The following PPP4R3A variants were observed in gnomAD, a reference collection of about 807,000 sequenced individuals.
PPP4R3A encodes protein phosphatase 4 regulatory subunit 3A.
In PPP4R3A, 15 loss-of-function variants were observed where a neutral mutation model predicts 91.7. The observed-to-expected ratio is 0.16, with a 90% CI of 0.11 to 0.25. PPP4R3A has a LOEUF of 0.25. PPP4R3A is among the 10% of genes least tolerant of loss of function. PPP4R3A has a pLI of 1.00. For missense variants in PPP4R3A, 623 were observed against 998.4 expected (o/e 0.62, Z 5.07); for synonymous variants, 377 against 348.7 (o/e 1.08, Z -0.91).
intron 1 of PPP4R3A, among the ~76,000 whole-genome samples, chr14:91,499,632 C>T (rs1352756351): frequency 6.6e-6 from 1 of 151,800 alleles, no homozygotes; most frequent in Non-Finnish European, 1.5e-5. Flanking sequence ...ACCAGCCTGG[C>T]CAACATGGTG....
At chr14:91,463,550 C>T (rs1888291747) in intron 11 of PPP4R3A, among the ~76,000 whole-genome samples, 1 of 152,018 alleles carries the variant, frequency 6.6e-6, no homozygotes. Flanking sequence ...CCTCCCACCT[C>T]AGCCTCCTGA....
intron 2 of PPP4R3A, among the ~76,000 whole-genome samples, chr14:91,487,816 A>C (rs1356545006): frequency 6.6e-6 from 1 of 152,162 alleles, no homozygotes; most frequent in African/African-American, 2.4e-5. Context: ...CCCTGGGCTC[A>C]GGTGGTCCTT....
At chr14:91,484,623 A>G (rs1170098778) in intron 3 of PPP4R3A, among the ~76,000 whole-genome samples, 1 of 152,198 alleles carries the variant, frequency 6.6e-6, no homozygotes, top group South Asian at 2.1e-4. Flanking sequence ...GGATTTTAAA[A>G]AACAATTATT....
chr14:91,463,187 T>TCC (rs754541194), intron 11 of PPP4R3A, among the ~76,000 whole-genome samples: 8 of 152,052 alleles, frequency 5.3e-5, no homozygotes, highest in Non-Finnish European at 1.2e-4. Context: ...TGGCTCAGCC[T>TCC]CCAGAGTAGC....
intron 4 of PPP4R3A, among the ~76,000 whole-genome samples, chr14:91,479,460 T>G (rs1889417727): frequency 6.6e-6 from 1 of 151,812 alleles, no homozygotes; most frequent in Non-Finnish European, 1.5e-5. Flanking sequence ...CTCAAACTCC[T>G]GGGCTCAAGC....
At chr14:91,470,779 G>T in intron 10 of PPP4R3A, 58 bp downstream of exon 10, 2 of 1,562,018 alleles carry the variant, frequency 1.3e-6, no homozygotes. Context: ...TGGGCAATAA[G>T]ATGTAAAAAA....
chr14:91,483,182 A>G (rs1889677248), intron 3 of PPP4R3A, among the ~76,000 whole-genome samples: 1 of 152,180 alleles, frequency 6.6e-6, no homozygotes, highest in Non-Finnish European at 1.5e-5. Context: ...TTGGCCCTAG[A>G]ATTTGGGACA....
At chr14:91,459,474 ATGTT>A (rs1218688592) in intron 14 of PPP4R3A, among the ~76,000 whole-genome samples, 7 of 152,200 alleles carry the variant, frequency 4.6e-5, no homozygotes, top group Admixed American at 6.5e-5. Flanking sequence ...TGAATGAAAA[ATGTT>A]TGTTTCAAGA....
At chr14:91,466,753 A>G (rs772244515) in intron 10 of PPP4R3A, among the ~76,000 whole-genome samples, 4 of 152,154 alleles carry the variant, frequency 2.6e-5, no homozygotes, top group Admixed American at 2.0e-4. Flanking sequence ...TTCAGTTTGT[A>G]TTTTTAAGGT....
chr14:91,476,939 T>C lies in PPP4R3A; in HGVS notation c.963A>G (p.Glu321=). The change falls in exon 5 of 15, where the codon GAA becomes GAG. Residue 321 remains glutamate (E), a synonymous_variant. Transcript: ENST00000554943. ...CCTGTCTTTTTTCCTCATCTGTTGC[T>C]TCATCTGTTAGTTGTGCAAACAAAT... ...LTDLFAQLTD[E]ATDEEKRQEL... 1 of 1,602,110 alleles carries C rather than the reference T, an allele frequency of 6.2e-7. No individual in the cohort carries two copies. Among genetic ancestry groups the C allele is most frequent in the Non-Finnish European group, 8.5e-7 (1 of 1,173,082 alleles).
At chr14:91,482,286 GAA>G in intron 3 of PPP4R3A, 93 bp from the exon 4 acceptor site, 1 of 1,354,422 alleles carries the variant, frequency 7.4e-7, no homozygotes, top group Non-Finnish European at 9.8e-7. Flanking sequence ...AATGTTGTAA[GAA>G]ACCTATAATG....
intron 7 of PPP4R3A, among the ~76,000 whole-genome samples, chr14:91,474,284 T>C (rs762528216): frequency 2.6e-5 from 4 of 152,208 alleles, no homozygotes; most frequent in Non-Finnish European, 5.9e-5. Context: ...TGGCTGGTTT[T>C]CCTGAGGTCC....
chr14:91,466,940 A>C (rs1452981056), intron 10 of PPP4R3A, among the ~76,000 whole-genome samples: 1 of 147,472 alleles, frequency 6.8e-6, no homozygotes, highest in Non-Finnish European at 1.5e-5. Flanking sequence ...GTCCTACCAT[A>C]ACACACACAC....
In PPP4R3A at chr14:91,457,936, CTA is replaced by C. The variant is rs1887866257; in HGVS notation, c.*821_*822del. ...AAACTATACCATCTTTCATAAAACT[CTA>C]AACAAATTAAGAACTGTGATGTAGA... On this transcript the variant is annotated 3_prime_UTR_variant, in exon 15 of 15. Coordinates refer to ENST00000554943, the MANE Select transcript of PPP4R3A (RefSeq NM_001366432.2). 1 of 152,466 alleles carries C rather than the reference CTA, an allele frequency of 6.6e-6. No homozygotes were observed. 9.4% of individuals were successfully genotyped at this position (152,466 alleles called of 1,614,324 possible).
At chr14:91,473,803 C>T (rs542002974) in intron 7 of PPP4R3A, among the ~76,000 whole-genome samples, 2 of 151,804 alleles carry the variant, frequency 1.3e-5, no homozygotes, top group South Asian at 4.2e-4. Context: ...CGGAGTTTGC[C>T]TCTTGTTGCC....
At chr14:91,462,898 G>GA (rs770699159) in intron 11 of PPP4R3A, 21 bp from the exon 12 acceptor site, 2 of 1,555,566 alleles carry the variant, frequency 1.3e-6, no homozygotes, top group East Asian at 2.3e-5. Context: ...GAATAGTAAT[G>GA]AAAAAATGAT....
chr14:91,509,692 C>CAGGAAAGGGGCCCTGGAG lies in PPP4R3A; in HGVS notation c.-63_-46dup. 1 of 1,579,270 alleles carries CAGGAAAGGGGCCCTGGAG rather than the reference C, an allele frequency of 6.3e-7. No homozygotes were observed. Among genetic ancestry groups the CAGGAAAGGGGCCCTGGAG allele is most frequent in the Non-Finnish European group, 8.5e-7 (1 of 1,170,538 alleles). On this transcript the variant is annotated 5_prime_UTR_variant, in exon 1 of 15. Coordinates refer to ENST00000554943, the MANE Select transcript of PPP4R3A (RefSeq NM_001366432.2). ...GGCGGGGGCCCCGCCAGTAGACGCC[C>CAGGAAAGGGGCCCTGGAG]AGGAAAGGGGCCCTGGAGAGGCGAG...
intron 7 of PPP4R3A, among the ~76,000 whole-genome samples, chr14:91,474,322 T>G (rs553038033): frequency 6.6e-6 from 1 of 152,116 alleles, no homozygotes; most frequent in South Asian, 2.1e-4. Flanking sequence ...CTCACCTAAG[T>G]AGTAAATAAG....
intron 1 of PPP4R3A, 112 bp downstream of exon 1, chr14:91,509,393 TC>T: frequency 6.9e-7 from 1 of 1,454,112 alleles, no homozygotes; most frequent in Non-Finnish European, 9.2e-7. Context: ...GTGGCCGCCC[TC>T]CCCAGCCGTC....
Sources: allele counts gnomAD v4.1 joint callset (sites outside exome capture counted in the v4.1 genomes callset), GRCh38; gene constraint gnomAD v4.1.1; transcripts MANE v1.5; gene names NCBI Gene and HGNC (gene_info 2026-07-23, HGNC 2026-07-21).